The following ANKRD12 variants were observed in gnomAD, a reference collection of about 807,000 sequenced individuals.
The protein encoded by ANKRD12 is ankyrin repeat domain-containing protein 12.
In ANKRD12, 85 loss-of-function variants were observed where a neutral mutation model predicts 183.4. That is an observed-to-expected ratio of 0.46 (90% CI 0.39 to 0.56). The LOEUF (loss-of-function observed/expected upper bound fraction) is 0.56, where lower values mean the gene tolerates loss of function less well. ANKRD12 is among the 20% of genes least tolerant of loss of function. ANKRD12 has a pLI of 0.00. For missense variants in ANKRD12, 2,405 were observed against 2,357.1 expected, an observed-to-expected ratio of 1.02 and a Z score of -0.42; for synonymous variants, 914 against 800.2, an observed-to-expected ratio of 1.14 and a Z score of -2.40.
intron 8 of ANKRD12, among the ~76,000 whole-genome samples, chr18:9,228,709 A>G (rs1194097710): frequency 1.3e-5 from 2 of 152,036 alleles, no homozygotes; most frequent in Admixed American, 6.5e-5. Flanking sequence ...TATATTCTGG[A>G]TATTAGTCCC....
chr18:9,157,585 G>GTATATATATATATATATATATATA (rs1380048925), intron 1 of ANKRD12, among the ~76,000 whole-genome samples: 1 of 92,704 alleles, frequency 1.1e-5, no homozygotes, highest in Non-Finnish European at 1.9e-5. Context: ...GTGTGTGTGT[G>GTATATATATATATATATATATATA]TATATATATA....
At chr18:9,144,634 T>A (rs1249297257) in intron 1 of ANKRD12, among the ~76,000 whole-genome samples, 1 of 152,212 alleles carries the variant, frequency 6.6e-6, no homozygotes, top group Non-Finnish European at 1.5e-5. Flanking sequence ...CATAGTTGAT[T>A]ATAGGTTCTC....
chr18:9,262,649 T>TG (rs918912996), intron 9 of ANKRD12, among the ~76,000 whole-genome samples: 1 of 151,446 alleles, frequency 6.6e-6, no homozygotes, highest in East Asian at 2.0e-4. Context: ...TTTTTTGAGA[T>TG]GGGGGTCTCA....
chr18:9,177,865 A>G (rs577911391), intron 1 of ANKRD12, among the ~76,000 whole-genome samples: 1 of 152,184 alleles, frequency 6.6e-6, no homozygotes, highest in Non-Finnish European at 1.5e-5. Flanking sequence ...GAGGTTGCGC[A>G]TCTTTTCCTG....
chr18:9,183,169 A>C (rs1432767581), intron 2 of ANKRD12, among the ~76,000 whole-genome samples: 1 of 152,192 alleles, frequency 6.6e-6, no homozygotes, highest in Non-Finnish European at 1.5e-5. Flanking sequence ...ATCTGCTTTC[A>C]AAATCAGGAA....
chr18:9,257,376 C>T lies in ANKRD12; in HGVS notation c.4109C>T (p.Ala1370Val). ...SNVSNIHSSF[A>V]TSPTGASNSK... ...GTATCTAACATACATTCCAGTTTTG[C>T]AACTTCTCCAACTGGAGCTTCAAAC... The change falls in exon 9 of 13, where the codon GCA (alanine) becomes GTA (valine). Residue 1370 changes from alanine to valine, a missense_variant. Coordinates refer to ENST00000262126, the MANE Select transcript of ANKRD12 (RefSeq NM_015208.5). The T allele has an allele frequency of 3.7e-6, 6 of 1,614,128 alleles. No individual in the cohort carries two copies. Among genetic ancestry groups the T allele is most frequent in the Non-Finnish European group, 4.2e-6 (5 of 1,180,004 alleles).
chr18:9,225,309 AC>A (rs2036641334), intron 8 of ANKRD12, among the ~76,000 whole-genome samples: 1 of 90,712 alleles, frequency 1.1e-5, no homozygotes, highest in African/African-American at 3.2e-5. Context: ...CCCCATCTCT[AC>A]AAAAAATACA....
rs750039916 is a variant in ANKRD12, at chr18:9,267,526, G to A, written c.5763+3638G>A. Among the ~76,000 whole-genome samples the A allele has an allele frequency of 1.0e-3, 158 of 152,178 alleles. 1 individual carries two copies. The highest frequency in any genetic ancestry group is 2.7e-3 in the Admixed American group (41 of 15,292). On this transcript the variant is annotated intron_variant, in intron 10 of 12. Coordinates refer to ENST00000262126, the MANE Select transcript of ANKRD12 (RefSeq NM_015208.5). ...CAACCTGCTCCTGACTGACTACTGG[G>A]TACATAACGAAATGAAGGCAGAAAT...
intron 2 of ANKRD12, among the ~76,000 whole-genome samples, chr18:9,184,372 A>G (rs1381552180): frequency 6.6e-6 from 1 of 151,996 alleles, no homozygotes; most frequent in African/African-American, 2.4e-5. Flanking sequence ...TGATCTAGGT[A>G]GGAATATCTT....
At chr18:9,137,280 A>G (rs1042074479) in intron 1 of ANKRD12, among the ~76,000 whole-genome samples, 24 of 146,278 alleles carry the variant, frequency 1.6e-4, no homozygotes, top group African/African-American at 5.1e-4. Flanking sequence ...GGAGCCGCCA[A>G]CTGGGCGGGG....
intron 2 of ANKRD12, among the ~76,000 whole-genome samples, chr18:9,195,280 G>T (rs2034708580): frequency 6.6e-6 from 1 of 152,014 alleles, no homozygotes; most frequent in Non-Finnish European, 1.5e-5. Flanking sequence ...AAACCCCAGT[G>T]ATATGCAATT....
intron 3 of ANKRD12, among the ~76,000 whole-genome samples, chr18:9,202,844 C>A (rs539113381): frequency 3.4e-4 from 51 of 152,214 alleles, no homozygotes; most frequent in African/African-American, 1.2e-3. Flanking sequence ...ATTCAGATGC[C>A]CCCAATAGAA....
chr18:9,257,807 G>A lies in ANKRD12; in HGVS notation c.4540G>A (p.Val1514Ile). The change falls in exon 9 of 13, where the codon GTT becomes ATT. Residue 1514 changes from valine (V) to isoleucine (I), a missense_variant. Val to Ile is a conservative substitution (Grantham distance 29). Transcript: ENST00000262126. ...TTCTAAACATATGTCTTTGTCATAT[G>A]TTGCTAATCAAGAGCCAGGTATTTT... ...SISKHMSLSYVANQEPGILQQ... is the reference protein window; with the variant it reads ...SISKHMSLSYIANQEPGILQQ... 1 of 1,613,846 alleles carries A rather than the reference G, an allele frequency of 6.2e-7. No individual in the cohort carries two copies. The highest frequency in any genetic ancestry group is 8.5e-7 in the Non-Finnish European group (1 of 1,179,950).
intron 1 of ANKRD12, among the ~76,000 whole-genome samples, chr18:9,157,301 A>G (rs1480974160): frequency 6.6e-6 from 1 of 152,088 alleles, no homozygotes; most frequent in Non-Finnish European, 1.5e-5. Flanking sequence ...AGTGTTGATC[A>G]TCTCGTGGTT....
intron 7 of ANKRD12, among the ~76,000 whole-genome samples, chr18:9,219,502 A>T (rs1282922513): frequency 6.6e-6 from 1 of 152,208 alleles, no homozygotes; most frequent in African/African-American, 2.4e-5. Context: ...ACTGATGTAG[A>T]ACAGGGTTTG....
intron 1 of ANKRD12, among the ~76,000 whole-genome samples, chr18:9,143,369 C>T (rs975502062): frequency 5.9e-5 from 9 of 152,122 alleles, no homozygotes; most frequent in Admixed American, 3.3e-4. Context: ...TTATAGTTGA[C>T]GTGATCATCC....
chr18:9,248,274 T>A (rs1277809132), intron 8 of ANKRD12, among the ~76,000 whole-genome samples: 1 of 152,256 alleles, frequency 6.6e-6, no homozygotes, highest in Non-Finnish European at 1.5e-5. Flanking sequence ...AAGACTGACA[T>A]GAACATCGGA....
At position 9,223,437 on chromosome 18, in the gene ANKRD12, C is replaced by T. The variant is rs574081237; in HGVS notation, c.943+1438C>T. On this transcript the variant is annotated intron_variant, in intron 8 of 12. Coordinates refer to ENST00000262126, the MANE Select transcript of ANKRD12 (RefSeq NM_015208.5). ...TGCCGGCTAATATTGTTTTTTACCC[C>T]GTCTCTATGAAAAATACAAAAAAAA... 2.6e-4 allele frequency among the ~76,000 whole-genome samples: 39 copies of T among 151,398 alleles called. 1 individual carries two copies. The highest frequency in any genetic ancestry group is 1.2e-3 in the South Asian group (6 of 4,810).
intron 9 of ANKRD12, among the ~76,000 whole-genome samples, chr18:9,263,191 G>T (rs1425257383): frequency 6.6e-6 from 1 of 152,128 alleles, no homozygotes; most frequent in Non-Finnish European, 1.5e-5. Flanking sequence ...TTCTGGGTTT[G>T]TAGTGTAATT....
Sources: allele counts gnomAD v4.1 joint callset (sites outside exome capture counted in the v4.1 genomes callset), GRCh38; gene constraint gnomAD v4.1.1; transcripts MANE v1.5; gene names NCBI Gene and HGNC (gene_info 2026-07-23, HGNC 2026-07-21).